RALGAPA1: variants seen among roughly 807,000 people sequenced by gnomAD.
RALGAPA1 encodes the protein Ral GTPase activating protein catalytic subunit alpha 1.
A neutral mutation model predicts 269.6 loss-of-function variants in RALGAPA1; 52 were observed. The observed-to-expected ratio is 0.19, with a 90% CI of 0.15 to 0.24. The LOEUF is 0.24. Among genes scored for constraint, RALGAPA1 ranks in the 10% least tolerant of loss-of-function variants. RALGAPA1 has a pLI of 1.00. For missense variants in RALGAPA1, 1,917 were observed against 3,013.9 expected (o/e 0.64, Z 8.52); for synonymous variants, 817 against 1,008.3 (o/e 0.81, Z 3.60).
intron 3 of RALGAPA1, among the ~76,000 whole-genome samples, chr14:35,772,079 G>C (rs2074673419): frequency 6.6e-6 from 1 of 151,906 alleles, no homozygotes; most frequent in Admixed American, 6.6e-5. Context: ...TTAAGAGGTG[G>C]GGGTTTCACC....
At chr14:35,738,420 A>G (rs1406838620) in intron 12 of RALGAPA1, 93 bp downstream of exon 12, 5 of 883,558 alleles carry the variant, frequency 5.7e-6, no homozygotes, top group African/African-American at 3.4e-5. Context: ...TGGTGAATTT[A>G]TTATATTGTG....
rs559388626 is a variant in RALGAPA1 at position 35,755,751 on chromosome 14, G to A, written c.663+1042C>T. ...CACAGAAACACTAAGTGGTTATTAA[G>A]TAATTTGCCAATAGCCACACTATTA... On this transcript the variant is annotated intron_variant, in intron 7 of 41. Transcript: ENST00000680220. Among the ~76,000 whole-genome samples, 44 of 152,258 alleles carry A rather than the reference G, an allele frequency of 2.9e-4. 1 individual carries two copies. The Middle Eastern group carries it at 0.02, about 71-fold the overall frequency.
intron 39 of RALGAPA1, among the ~76,000 whole-genome samples, chr14:35,555,887 C>T (rs2055549746): frequency 6.6e-6 from 1 of 152,054 alleles, no homozygotes; most frequent in Non-Finnish European, 1.5e-5. Flanking sequence ...TATATTAGGC[C>T]TTTTAGTTAT....
chr14:35,717,084 C>G (rs2068896942), intron 16 of RALGAPA1, among the ~76,000 whole-genome samples: 1 of 152,164 alleles, frequency 6.6e-6, no homozygotes, highest in Admixed American at 6.5e-5. Context: ...AATTTCATAT[C>G]CTACAGACTT....
At chr14:35,751,891 G>T in intron 8 of RALGAPA1, 133 bp downstream of exon 8, 1 of 1,193,370 alleles carries the variant, frequency 8.4e-7, no homozygotes. Flanking sequence ...TATGAATCTA[G>T]GTATCATATC....
At chr14:35,745,174 T>C (rs966471377) in intron 10 of RALGAPA1, among the ~76,000 whole-genome samples, 1 of 152,110 alleles carries the variant, frequency 6.6e-6, no homozygotes, top group South Asian at 2.1e-4. Flanking sequence ...CAATTTACAA[T>C]GAGAACTAAC....
chr14:35,680,574 CTTTAATTTTA>C (rs1051727262), intron 21 of RALGAPA1, among the ~76,000 whole-genome samples: 1 of 143,444 alleles, frequency 7.0e-6, no homozygotes, highest in African/African-American at 2.8e-5. Context: ...TCACTACTGC[CTTTAATTTTA>C]TTTATTTATT....
chr14:35,736,330 T>G (rs1490666467), intron 12 of RALGAPA1, among the ~76,000 whole-genome samples: 1 of 152,178 alleles, frequency 6.6e-6, no homozygotes, highest in African/African-American at 2.4e-5. Context: ...AATGACAATT[T>G]GATATTTGAA....
intron 6 of RALGAPA1, among the ~76,000 whole-genome samples, chr14:35,757,436 A>G (rs913355038): frequency 6.6e-6 from 1 of 152,134 alleles, no homozygotes; most frequent in Non-Finnish European, 1.5e-5. Context: ...TTTAACAATC[A>G]GCTGTTCTGT....
chr14:35,570,090 T>G (rs1362152277), intron 39 of RALGAPA1, among the ~76,000 whole-genome samples: 1 of 151,132 alleles, frequency 6.6e-6, no homozygotes, highest in African/African-American at 2.4e-5. Flanking sequence ...GCCAACATGG[T>G]AAAACCCTGT....
Position 35,762,892 on chromosome 14 carries a change from C to T in RALGAPA1, c.326-139G>A, listed in dbSNP as rs184806820. ...TCTTGGTGACCTTTATATCCTTCTG[C>T]CATACTTGGGATCAGAAGGGCATAT... On this transcript the variant is annotated intron_variant, in intron 4 of 41. Transcript: ENST00000680220. The T allele has an allele frequency of 2.2e-5, 13 of 601,620 alleles. No individual in the cohort carries two copies. The Admixed American group carries it at 2.5e-4, about 11-fold the overall frequency. The allele number at this position is 601,620 out of a possible 1,614,324, so 37.3% of individuals were successfully genotyped here.
chr14:35,761,370 G>A (rs1009324183), intron 5 of RALGAPA1, among the ~76,000 whole-genome samples: 10 of 152,170 alleles, frequency 6.6e-5, no homozygotes, highest in Non-Finnish European at 1.0e-4. Context: ...AGCAATGACT[G>A]TTAGTGGTGA....
At chr14:35,791,707 C>CGAGGT (rs2076182784) in intron 1 of RALGAPA1, among the ~76,000 whole-genome samples, 1 of 151,294 alleles carries the variant, frequency 6.6e-6, no homozygotes, top group Non-Finnish European at 1.5e-5. Flanking sequence ...GAGATCGAGA[C>CGAGGT]CATCCTGGCT....
At chr14:35,594,108 T>G (rs1393325368) in intron 37 of RALGAPA1, among the ~76,000 whole-genome samples, 1 of 152,046 alleles carries the variant, frequency 6.6e-6, no homozygotes. Flanking sequence ...ATCCTTATCT[T>G]ACACCATACA....
intron 1 of RALGAPA1, among the ~76,000 whole-genome samples, chr14:35,791,016 T>C (rs539809248): frequency 6.6e-6 from 1 of 152,260 alleles, no homozygotes; most frequent in South Asian, 2.1e-4. Context: ...CTGAAGTCCT[T>C]GATAAACTTA....
intron 41 of RALGAPA1, among the ~76,000 whole-genome samples, chr14:35,546,531 A>G (rs2054476473): frequency 6.6e-6 from 1 of 151,858 alleles, no homozygotes; most frequent in Non-Finnish European, 1.5e-5. Flanking sequence ...GGTTGGTTAG[A>G]CAGAATATAA....
intron 27 of RALGAPA1, among the ~76,000 whole-genome samples, chr14:35,661,261 T>C (rs1263324558): frequency 6.6e-6 from 1 of 152,168 alleles, no homozygotes; most frequent in Non-Finnish European, 1.5e-5. Flanking sequence ...TTTTGTCAAT[T>C]TTACCTCAAT....
intron 10 of RALGAPA1, among the ~76,000 whole-genome samples, chr14:35,746,124 A>G (rs943464721): frequency 3.3e-5 from 5 of 152,204 alleles, no homozygotes; most frequent in African/African-American, 1.2e-4. Context: ...GGATTAATCC[A>G]GCAGACATTA....
chr14:35,592,579 C>T (rs1480948940), intron 37 of RALGAPA1, among the ~76,000 whole-genome samples: 1 of 152,138 alleles, frequency 6.6e-6, no homozygotes, highest in East Asian at 1.9e-4. Flanking sequence ...CTCTGATGAA[C>T]ACTGATGCAA....
Sources: gnomAD v4.1 joint callset for allele counts (sites outside exome capture counted in the v4.1 genomes callset) on GRCh38, gnomAD v4.1.1 for gene constraint, MANE v1.5 for transcripts, NCBI Gene and HGNC (gene_info 2026-07-23, HGNC 2026-07-21) for gene names.